Variants in FAM178B observed in about 807,000 individuals in gnomAD.
FAM178B encodes the protein protein FAM178B.
In FAM178B, 82 loss-of-function variants were observed where a neutral mutation model predicts 91.7. The observed-to-expected ratio is 0.89, with a 90% CI of 0.75 to 1.07. The LOEUF (loss-of-function observed/expected upper bound fraction) is 1.07. Among genes scored for constraint, FAM178B ranks in the 50% least tolerant of loss-of-function variants. The pLI is 0.00. For missense variants in FAM178B, 769 were observed against 846.7 expected, an observed-to-expected ratio of 0.91 and a Z score of 1.14; for synonymous variants, 368 against 359.4, an observed-to-expected ratio of 1.02 and a Z score of -0.27.
chr2:96,885,524 G>A (rs537588342), intron 14 of FAM178B, among the ~76,000 whole-genome samples: 1 of 152,384 alleles, frequency 6.6e-6, no homozygotes, highest in African/African-American at 2.4e-5. Context: ...GGGCTGGGGA[G>A]GGAAAGAGAT....
intron 12 of FAM178B, among the ~76,000 whole-genome samples, chr2:96,908,023 CTT>C (rs950206231): frequency 5.3e-5 from 8 of 152,254 alleles, no homozygotes; most frequent in Non-Finnish European, 1.2e-4. Context: ...CCCCGGGCCT[CTT>C]GTCCATCAGG....
rs1559064276 is a variant in FAM178B at position 96,905,848 on chromosome 2, A to ATGTG, written c.1563-3142_1563-3141insCACA. Among the ~76,000 whole-genome samples, 37 of 26,502 alleles carry ATGTG rather than the reference A, an allele frequency of 1.4e-3. 1 individual carries two copies. The highest frequency in any genetic ancestry group is 2.2e-3 in the Non-Finnish European group (30 of 13,664). The allele number at this position is 26,502 out of a possible 152,430, so 17.4% of individuals were successfully genotyped here. On this transcript the variant is annotated intron_variant, in intron 12 of 16. Transcript: ENST00000490605. ...TATATATATATATATATATATATAT[A>ATGTG]TATATATATATATTTTTTTTTTTTT...
chr2:96,900,110 A>T (rs1179150934), intron 13 of FAM178B, among the ~76,000 whole-genome samples: 1 of 151,164 alleles, frequency 6.6e-6, no homozygotes, highest in Non-Finnish European at 1.5e-5. Flanking sequence ...ACTGGCTCTA[A>T]CTCTCTCTCT....
intron 7 of FAM178B, among the ~76,000 whole-genome samples, chr2:96,948,219 C>T (rs11688134): frequency 0.5 from 76,680 of 152,170 alleles, 22,794 homozygotes; most frequent in Non-Finnish European, 0.69. Context: ...CTCTGCCCCT[C>T]GCTCCCTGTG....
At chr2:96,916,699 A>G (rs1559071014) in intron 12 of FAM178B, among the ~76,000 whole-genome samples, 1 of 151,906 alleles carries the variant, frequency 6.6e-6, no homozygotes, top group Non-Finnish European at 1.5e-5. Flanking sequence ...ATTCACTTTC[A>G]TTTTTCATGG....
intron 5 of FAM178B, among the ~76,000 whole-genome samples, chr2:96,961,048 T>C (rs1013484603): frequency 1.3e-4 from 20 of 151,978 alleles, no homozygotes; most frequent in Non-Finnish European, 2.5e-4. Flanking sequence ...GCTGCTGCAA[T>C]GCAGATCCTG....
chr2:96,895,386 T>C (rs2080801620), intron 13 of FAM178B, among the ~76,000 whole-genome samples: 1 of 152,250 alleles, frequency 6.6e-6, no homozygotes, highest in African/African-American at 2.4e-5. Context: ...TTTGGCTGAC[T>C]ATGGCACCTA....
intron 6 of FAM178B, 151 bp downstream of exon 6, chr2:96,960,137 G>A: frequency 1.3e-6 from 1 of 783,540 alleles, no homozygotes; most frequent in Non-Finnish European, 2.0e-6. Context: ...AGTAGACAAT[G>A]TCACCTATAT....
At chr2:96,948,857 A>G (rs1429998908) in intron 7 of FAM178B, among the ~76,000 whole-genome samples, 6 of 152,108 alleles carry the variant, frequency 3.9e-5, no homozygotes, top group Non-Finnish European at 5.9e-5. Context: ...CAACTGGGTC[A>G]ACTCTAAAGG....
intron 1 of FAM178B, chr2:96,977,850 TGCTGTTCCAGTTTTG>T (rs1164234270): frequency 4.4e-6 from 2 of 455,018 alleles, no homozygotes; most frequent in Non-Finnish European, 8.8e-6. Flanking sequence ...TGACGGTTTT[TGCTGTTCCAGTTTTG>T]GCTGCTTCTC....
chr2:96,881,866 A>G (rs2153367380), intron 14 of FAM178B, among the ~76,000 whole-genome samples: 1 of 152,156 alleles, frequency 6.6e-6, no homozygotes, highest in Admixed American at 6.5e-5. Context: ...TCCCAAAGGG[A>G]AAAACCTAAA....
chr2:96,904,761 C>T (rs2081000016), intron 12 of FAM178B, among the ~76,000 whole-genome samples: 1 of 151,876 alleles, frequency 6.6e-6, no homozygotes, highest in Non-Finnish European at 1.5e-5. Context: ...GCCTGCAGTC[C>T]CTGCTACTCA....
In FAM178B at chr2:96,893,937, G is replaced by A. The variant is rs759661411; in HGVS notation, c.1765C>T (p.Leu589=). The change falls in exon 14 of 17, where the codon CTA becomes TTA. Residue 589 remains leucine, a synonymous_variant. Coordinates refer to ENST00000490605, the MANE Select transcript of FAM178B (RefSeq NM_001122646.3). ...GGGTGCTCACTCACCTTGTGGTCTA[G>A]CTCGGCACTAGCCTTTGGCTGTTGC... ...QEQQPKASAE[L]DHKACYLCHS... 1.2e-6 allele frequency: 2 copies of A among 1,612,406 alleles called. No individual in the cohort carries two copies. Among genetic ancestry groups the A allele is most frequent in the Non-Finnish European group, 1.7e-6 (2 of 1,179,398 alleles).
At chr2:96,950,176 C>A in intron 7 of FAM178B, 1 of 985,462 alleles carries the variant, frequency 1.0e-6, no homozygotes, top group Non-Finnish European at 1.2e-6. Context: ...CTGTGGGTGC[C>A]GTCTCAGATG....
Position 96,894,043 on chromosome 2 carries a change from C to A in FAM178B, c.1659G>T (p.Ser553=). The A allele has an allele frequency of 1.2e-6, 2 of 1,609,008 alleles. No homozygotes were observed. Among genetic ancestry groups the A allele is most frequent in the Non-Finnish European group, 1.7e-6 (2 of 1,178,308 alleles). The change falls in exon 14 of 17, where the codon TCG becomes TCT. Residue 553 remains serine, a synonymous_variant. Coordinates refer to ENST00000490605, the MANE Select transcript of FAM178B (RefSeq NM_001122646.3). ...TCATGAGGCCCAGGAGCCGGCTGAG[C>A]GAGGACAGCTGGGGAGGAGAAGGGA... The part of the protein sequence containing the change: ...PLWQEKTQLS[S]LSRLLGLMRP...
chr2:96,911,441 G>A (rs750713570), intron 12 of FAM178B, among the ~76,000 whole-genome samples: 12 of 152,224 alleles, frequency 7.9e-5, no homozygotes, highest in African/African-American at 1.7e-4. Context: ...TCTAGGACGC[G>A]GCAAAAGCGT....
At chr2:96,961,064 G>A (rs992782882) in intron 5 of FAM178B, among the ~76,000 whole-genome samples, 4 of 152,140 alleles carry the variant, frequency 2.6e-5, no homozygotes, top group Admixed American at 1.3e-4. Flanking sequence ...TCCTGGGCCC[G>A]GTCCGGCCCA....
At chr2:96,895,244 T>A (rs1313600076) in intron 13 of FAM178B, 2 of 526,354 alleles carry the variant, frequency 3.8e-6, no homozygotes, top group Admixed American at 7.0e-5. Flanking sequence ...TAATACCATT[T>A]CTTTCCTAAC....
At chr2:96,937,791 C>T (rs1375572965) in intron 8 of FAM178B, among the ~76,000 whole-genome samples, 2 of 152,128 alleles carry the variant, frequency 1.3e-5, no homozygotes, top group South Asian at 4.1e-4. Flanking sequence ...GTTGGGAGGC[C>T]CAGGCAGGCA....
Sources: gnomAD v4.1 joint callset for allele counts (sites outside exome capture counted in the v4.1 genomes callset) on GRCh38, gnomAD v4.1.1 for gene constraint, MANE v1.5 for transcripts, NCBI Gene and HGNC (gene_info 2026-07-23, HGNC 2026-07-21) for gene names.